The following SBK2 variants were observed in gnomAD, a reference collection of about 807,000 sequenced individuals.
SBK2 encodes the protein serine/threonine-protein kinase SBK2.
In SBK2, 18 loss-of-function variants were observed where a neutral mutation model predicts 15.9. The ratio of observed to expected loss-of-function variants is 1.13; its 90% confidence interval spans 0.78 to 1.68. The LOEUF is 1.68. SBK2 is among the 40% of genes most tolerant of loss of function. The probability of loss-of-function intolerance (pLI) is 0.00; values close to 1 mark genes in which losing one functional copy is unlikely to be tolerated. For synonymous variants in SBK2, 284 were observed against 246.8 expected (o/e 1.15, Z -1.41); for missense variants, 581 against 510.9 (o/e 1.14, Z -1.32).
chr19:55,529,659 G>A lies in SBK2; in HGVS notation c.*74C>T, dbSNP rs1988190573. ...AGCCCCATGGATGAAAACACACCGAGGAGACACCAAAAGCCGTTGGCCTTG... is the reference window on the plus strand; with the variant it reads ...AGCCCCATGGATGAAAACACACCGAAGAGACACCAAAAGCCGTTGGCCTTG... On this transcript the variant is annotated 3_prime_UTR_variant, in exon 4 of 4. Transcript: ENST00000413299. The A allele has an allele frequency of 2.0e-6, 3 of 1,535,322 alleles. No individual in the cohort carries two copies. The highest frequency in any genetic ancestry group is 2.0e-5 in the Admixed American group (1 of 49,946).
chr19:55,533,263 G>A (rs535492224), intron 2 of SBK2, among the ~76,000 whole-genome samples: 4 of 151,848 alleles, frequency 2.6e-5, no homozygotes, highest in South Asian at 4.2e-4. Context: ...CCCAGGAGGC[G>A]GAGGTTGTAG....
chr19:55,535,040 AG>A (rs1988364482), intron 2 of SBK2, among the ~76,000 whole-genome samples: 1 of 152,050 alleles, frequency 6.6e-6, no homozygotes, highest in Non-Finnish European at 1.5e-5. Context: ...AAAAAAAGAA[AG>A]AAAAAAGTCA....
rs1326108317 is a variant in SBK2, at chr19:55,529,032, G to A, written c.*701C>T. Among the ~76,000 whole-genome samples, 1 of 152,180 alleles carries A rather than the reference G, an allele frequency of 6.6e-6. No homozygotes were observed. Reference sequence around the variant, plus strand: ...TGCGGGAGGCCGAGGTGGGAGACTCGCTCCAGGCCAGGAATTTGAGACTAG... The same window carrying A: ...TGCGGGAGGCCGAGGTGGGAGACTCACTCCAGGCCAGGAATTTGAGACTAG... On this transcript the variant is annotated 3_prime_UTR_variant, in exon 4 of 4. Transcript: ENST00000413299.
At chr19:55,533,492 A>G (rs1988321678) in intron 2 of SBK2, among the ~76,000 whole-genome samples, 1 of 151,272 alleles carries the variant, frequency 6.6e-6, no homozygotes, top group Admixed American at 6.6e-5. Context: ...TAGTAAAAAT[A>G]CAAAAATCAG....
Position 55,529,591 on chromosome 19 carries a change from C to T in SBK2, c.*142G>A. The T allele has an allele frequency of 1.6e-6, 2 of 1,215,200 alleles. No individual in the cohort carries two copies. The highest frequency in any genetic ancestry group is 2.2e-6 in the Non-Finnish European group (2 of 906,006). The allele number at this position is 1,215,200 out of a possible 1,614,324, so 75.3% of individuals were successfully genotyped here. A position where few individuals can be genotyped will look rare whatever the true frequency, so the allele number is the denominator to read the frequency against. On this transcript the variant is annotated 3_prime_UTR_variant, in exon 4 of 4. Coordinates refer to ENST00000413299, the MANE Select transcript of SBK2 (RefSeq NM_001370096.2). The stretch of plus-strand genomic sequence containing the variant: ...CTCATGGACCAAGGGAGGAATGCAG[C>T]CTGCAGAGAGGAGAGAGGAGGAGGA...
In SBK2 at chr19:55,531,217, C is replaced by T. The variant is rs372895344; in HGVS notation, c.382G>A (p.Glu128Lys). Residue 128 changes from glutamate (E) to lysine (K), a missense_variant, in exon 3 of 4, where the codon GAG becomes AAG. Transcript: ENST00000413299. Reference sequence around the variant, plus strand: ...AGGAAGCTGTAGGAGTGTGCCGACTCGATGCCAATGCCGTAGGCCGTCACG... The same window carrying T: ...AGGAAGCTGTAGGAGTGTGCCGACTTGATGCCAATGCCGTAGGCCGTCACG... ...AIVTAYGIGI[E>K]SAHSYSFLTE... The T allele has an allele frequency of 2.2e-5, 36 of 1,613,186 alleles. No individual in the cohort carries two copies. The East Asian group carries it at 3.1e-4, about 14-fold the overall frequency.
At chr19:55,532,842 A>G (rs1370157288) in intron 2 of SBK2, among the ~76,000 whole-genome samples, 1 of 152,052 alleles carries the variant, frequency 6.6e-6, no homozygotes, top group Non-Finnish European at 1.5e-5. Flanking sequence ...AAAAATTTGT[A>G]GAGACGGTCT....
intron 2 of SBK2, among the ~76,000 whole-genome samples, chr19:55,533,567 G>T (rs78874958): frequency 0.77 from 72,163 of 93,734 alleles, 28,318 homozygotes; most frequent in African/African-American, 0.79. Context: ...GCAGGAGAAT[G>T]GCGTGAACCC....
Position 55,531,310 on chromosome 19 carries a change from G to C in SBK2, c.289C>G (p.Arg97Gly), listed in dbSNP as rs762031822. Residue 97 changes from arginine (R) to glycine (G), a missense_variant, in exon 3 of 4, where the codon CGC (arginine) becomes GGC (glycine). By Grantham distance (125) the Arg-to-Gly change is moderately radical (BLOSUM62 -2). Transcript: ENST00000413299. ...PLALKQLPKPRTSLRGFLYEF... is the reference protein window; with the variant it reads ...PLALKQLPKPGTSLRGFLYEF... ...TACAGGAAGCCACGGAGGGACGTGC[G>C]GGGTTTCGGGAGCTGCTTCAGTGCC... 3 of 1,611,662 alleles carry C rather than the reference G, an allele frequency of 1.9e-6. No homozygotes were observed. The highest frequency in any genetic ancestry group is 2.5e-6 in the Non-Finnish European group (3 of 1,179,046).
intron 2 of SBK2, among the ~76,000 whole-genome samples, chr19:55,531,751 G>T (rs1249365647): frequency 1.3e-5 from 2 of 152,238 alleles, no homozygotes; most frequent in African/African-American, 4.8e-5. Context: ...ACCGAGGCGG[G>T]TGGATTGCTT....
At chr19:55,535,807 C>T (rs1296435120) in intron 2 of SBK2, among the ~76,000 whole-genome samples, 1 of 152,162 alleles carries the variant, frequency 6.6e-6, no homozygotes, top group Non-Finnish European at 1.5e-5. Flanking sequence ...ACACTTGAAC[C>T]TGGGAGGTGG....
intron 2 of SBK2, among the ~76,000 whole-genome samples, chr19:55,533,245 T>C (rs554018): frequency 0.82 from 123,548 of 151,426 alleles, 50,531 homozygotes; most frequent in African/African-American, 0.86. Context: ...GCAGGAGAAT[T>C]GCTTGAACCC....
rs1988326960 is a variant in SBK2 at position 55,533,657 on chromosome 19, CTCAAAAAAAAAAAAAAAAAAAAAA to C, written c.254-2336_254-2313del. Among the ~76,000 whole-genome samples, 2 of 5,658 alleles carry C rather than the reference CTCAAAAAAAAAAAAAAAAAAAAAA, an allele frequency of 3.5e-4. 1 individual carries two copies. 3.7% of individuals were successfully genotyped at this position (5,658 alleles called of 152,430 possible). ...CCTGGGCGACAGAGCGAGACTCCGT[CTCAAAAAAAAAAAAAAAAAAAAAA>C]AAAAAAAAAAAAAAAAAGAAAAAGT... On this transcript the variant is annotated intron_variant, in intron 2 of 3. Coordinates refer to ENST00000413299, the MANE Select transcript of SBK2 (RefSeq NM_001370096.2).
At chr19:55,536,845 C>T (rs1988421322) in intron 1 of SBK2, among the ~76,000 whole-genome samples, 1 of 149,456 alleles carries the variant, frequency 6.7e-6, no homozygotes, top group Non-Finnish European at 1.5e-5. Context: ...CCACCTCTCT[C>T]CCGGAACCTC....
chr19:55,532,162 AG>A (rs949976616), intron 2 of SBK2, among the ~76,000 whole-genome samples: 11 of 152,154 alleles, frequency 7.2e-5, no homozygotes, highest in African/African-American at 2.7e-4. Flanking sequence ...TGAGGCAAAA[AG>A]GTATTTTTGA....
At position 55,536,215 on chromosome 19, in the gene SBK2, A is replaced by AG; in HGVS notation, c.79dup (p.Leu27ProfsTer472). 1 of 1,606,834 alleles carries AG rather than the reference A, an allele frequency of 6.2e-7. No individual in the cohort carries two copies. The highest frequency in any genetic ancestry group is 1.1e-5 in the South Asian group (1 of 89,712). ...GCCCTGCTGGAGCTCCTCTAATGTC[A>AG]GGCCGCCCAGACCCTCCTCCTCGCT... On this transcript the variant is annotated frameshift_variant, in exon 2 of 4. Transcript: ENST00000413299. LOFTEE classifies it high-confidence loss of function.
At chr19:55,534,132 A>ATG (rs1159570902) in intron 2 of SBK2, among the ~76,000 whole-genome samples, 2 of 152,136 alleles carry the variant, frequency 1.3e-5, no homozygotes, top group African/African-American at 4.8e-5. Flanking sequence ...CAAAACTCGT[A>ATG]TGTGGGAGTC....
chr19:55,530,188 G>C lies in SBK2; in HGVS notation c.592C>G (p.Arg198Gly). The C allele has an allele frequency of 6.5e-7, 1 of 1,532,128 alleles. No individual in the cohort carries two copies. 94.9% of individuals were successfully genotyped at this position (1,532,128 alleles called of 1,614,324 possible). A position where few individuals can be genotyped will look rare whatever the true frequency, so the allele number is the denominator to read the frequency against. ...NVLVCDPACR[R>G]FKLTDFGHTR... ...TGGCCGAAGTCGGTCAGCTTGAAGCGCCGGCAGGCCGGGTCGCACACCAGG... is the reference window on the plus strand; with the variant it reads ...TGGCCGAAGTCGGTCAGCTTGAAGCCCCGGCAGGCCGGGTCGCACACCAGG... The change falls in exon 4 of 4, where the codon CGC (arginine) becomes GGC (glycine). Residue 198 changes from arginine (R) to glycine (G), a missense_variant. Physicochemically the swap from Arg to Gly is moderately radical, Grantham distance 125. Transcript: ENST00000413299.
intron 2 of SBK2, among the ~76,000 whole-genome samples, chr19:55,533,372 G>A (rs1271775579): frequency 6.6e-6 from 1 of 150,910 alleles, no homozygotes; most frequent in African/African-American, 2.4e-5. Flanking sequence ...GAAAGGCCGA[G>A]TGCAGTGGCT....
Sources: gnomAD v4.1 joint callset for allele counts (sites outside exome capture counted in the v4.1 genomes callset) on GRCh38, gnomAD v4.1.1 for gene constraint, MANE v1.5 for transcripts, NCBI Gene and HGNC (gene_info 2026-07-23, HGNC 2026-07-21) for gene names.